Variants in ARHGAP31 observed in about 807,000 individuals in gnomAD.
ARHGAP31 encodes Rho GTPase activating protein 31.
In ARHGAP31, 34 loss-of-function variants were observed where a neutral mutation model predicts 113.9. The observed-to-expected ratio is 0.30, with a 90% CI of 0.23 to 0.40. ARHGAP31 has a LOEUF of 0.40. Among genes scored for constraint, ARHGAP31 ranks in the 10% least tolerant of loss-of-function variants. ARHGAP31 has a pLI of 1.00. For synonymous variants in ARHGAP31, 650 were observed against 684.8 expected (o/e 0.95, Z 0.79); for missense variants, 1,548 against 1,767.1 (o/e 0.88, Z 2.22).
At chr3:119,320,181 T>C (rs761832122) in intron 1 of ARHGAP31, among the ~76,000 whole-genome samples, 3 of 152,208 alleles carry the variant, frequency 2.0e-5, no homozygotes, top group Non-Finnish European at 4.4e-5. Context: ...CATTCTCCCT[T>C]CTACCAGATC....
intron 3 of ARHGAP31, among the ~76,000 whole-genome samples, chr3:119,376,492 C>G (rs143892225): frequency 9.2e-5 from 14 of 152,304 alleles, no homozygotes; most frequent in Middle Eastern, 3.4e-3. Context: ...CCACACTGGC[C>G]TCCACATGTC....
chr3:119,340,270 C>T (rs1402734854), intron 1 of ARHGAP31, among the ~76,000 whole-genome samples: 1 of 152,210 alleles, frequency 6.6e-6, no homozygotes, highest in Non-Finnish European at 1.5e-5. Context: ...TTATGGCACA[C>T]ATGAAGGGTC....
chr3:119,305,121 C>T (rs1356017488), intron 1 of ARHGAP31, among the ~76,000 whole-genome samples: 2 of 152,010 alleles, frequency 1.3e-5, no homozygotes, highest in Admixed American at 6.5e-5. Context: ...AGCCAGGAAG[C>T]GGCAGAAGCA....
chr3:119,338,303 A>C (rs1438119716), intron 1 of ARHGAP31, among the ~76,000 whole-genome samples: 2 of 152,188 alleles, frequency 1.3e-5, no homozygotes, highest in East Asian at 1.9e-4. Context: ...ACATGGACTC[A>C]ACTAAGTGTT....
rs12495539 is a variant in ARHGAP31 at position 119,419,065 on chromosome 3, C to T, written c.*2801C>T. The T allele has an allele frequency of 0.15, 22,046 of 151,846 alleles. 2,002 individuals are homozygous for T. The highest frequency in any genetic ancestry group is 0.2 in the Admixed American group (3,007 of 15,246). 9.4% of individuals were successfully genotyped at this position (151,846 alleles called of 1,614,324 possible). ...CTATTTCACCACTCATTTGAGTCTC[C>T]GAAAAATGAACTCCCTGAGAATGGC... On this transcript the variant is annotated 3_prime_UTR_variant, in exon 12 of 12. Coordinates refer to ENST00000264245, the MANE Select transcript of ARHGAP31 (RefSeq NM_020754.4).
chr3:119,337,356 T>G (rs2079964347), intron 1 of ARHGAP31, among the ~76,000 whole-genome samples: 2 of 152,172 alleles, frequency 1.3e-5, no homozygotes, highest in East Asian at 3.9e-4. Context: ...TTCCTCCCGG[T>G]GGCTTCATGC....
chr3:119,301,452 A>G (rs182121200), intron 1 of ARHGAP31, among the ~76,000 whole-genome samples: 20 of 151,920 alleles, frequency 1.3e-4, no homozygotes, highest in Middle Eastern at 3.4e-3. Flanking sequence ...CGGTGGACAC[A>G]CTCTCCAGTG....
In ARHGAP31 at chr3:119,414,616, A is replaced by T. The variant is rs2080755010; in HGVS notation, c.2687A>T (p.Asp896Val). 2 of 1,614,136 alleles carry T rather than the reference A, an allele frequency of 1.2e-6. No homozygotes were observed. The highest frequency in any genetic ancestry group is 1.3e-5 in the African/African-American group (1 of 74,950). The change falls in exon 12 of 12, where the codon GAC (aspartate) becomes GTC (valine). Residue 896 changes from aspartate to valine, a missense_variant. Physicochemically the swap from Asp to Val is radical, Grantham distance 152. Transcript: ENST00000264245. ...SDCDEDDTVTDIAQHGLEMVE... is the reference protein window; with the variant it reads ...SDCDEDDTVTVIAQHGLEMVE... Reference sequence around the variant, plus strand: ...TGTGACGAAGATGACACTGTGACAGACATTGCCCAGCATGGCCTGGAGATG... The same window carrying T: ...TGTGACGAAGATGACACTGTGACAGTCATTGCCCAGCATGGCCTGGAGATG...
chr3:119,381,782 C>G (rs772913709), intron 4 of ARHGAP31, among the ~76,000 whole-genome samples: 2 of 152,038 alleles, frequency 1.3e-5, no homozygotes, highest in Non-Finnish European at 1.5e-5. Flanking sequence ...GTCAGGAGAT[C>G]GAGACCATCA....
At chr3:119,368,300 AGCAGCCAAGCAGCTGCTGACATGGAAC>A (rs2080266833) in intron 2 of ARHGAP31, 45 bp from the exon 3 acceptor site, 1 of 1,598,116 alleles carries the variant, frequency 6.3e-7, no homozygotes, top group Non-Finnish European at 8.6e-7. Flanking sequence ...TTTACCCCTA[AGCAGCCAAGCAGCTGCTGACATGGAAC>A]ACACACTCCC....
In ARHGAP31 at chr3:119,416,185, A is replaced by C. The variant is rs1353680134; in HGVS notation, c.4256A>C (p.Glu1419Ala). ...ATCCCTAAGAATGGCCAGAGACTAG[A>C]GACCTCAACCAGCTGTTTTTACCAG... ...MTIPKNGQRL[E>A]TSTSCFYQPQ... The change falls in exon 12 of 12, where the codon GAG becomes GCG. Residue 1419 changes from glutamate (E) to alanine (A), a missense_variant. Coordinates refer to ENST00000264245, the MANE Select transcript of ARHGAP31 (RefSeq NM_020754.4). The C allele has an allele frequency of 6.2e-7, 1 of 1,614,122 alleles. No individual in the cohort carries two copies. Among genetic ancestry groups the C allele is most frequent in the Non-Finnish European group, 8.5e-7 (1 of 1,180,052 alleles).
chr3:119,394,227 G>A (rs955227005), intron 8 of ARHGAP31, among the ~76,000 whole-genome samples: 14 of 152,170 alleles, frequency 9.2e-5, no homozygotes, highest in Admixed American at 5.9e-4. Flanking sequence ...TGATCCCTTG[G>A]TTAAAGTGCT....
intron 11 of ARHGAP31, among the ~76,000 whole-genome samples, chr3:119,411,585 C>G (rs1403608017): frequency 1.3e-5 from 2 of 152,094 alleles, no homozygotes; most frequent in African/African-American, 4.8e-5. Context: ...TATGGTTTCT[C>G]AGTATTGATT....
chr3:119,397,358 GGC>G (rs2080562097), intron 8 of ARHGAP31, among the ~76,000 whole-genome samples: 2 of 152,196 alleles, frequency 1.3e-5, no homozygotes, highest in African/African-American at 2.4e-5. Context: ...CACAGTCAGG[GGC>G]GCCTGGTCAC....
intron 1 of ARHGAP31, among the ~76,000 whole-genome samples, chr3:119,348,281 A>T (rs2080079483): frequency 6.6e-6 from 1 of 152,250 alleles, no homozygotes. Flanking sequence ...TAATAATAGA[A>T]ATAAAGTACA....
chr3:119,294,396 C>T lies in ARHGAP31; in HGVS notation c.-509C>T. ...CAGGAAAAAAAGGAAGGCGTGAGGG[C>T]GGGCAGCAGCGACAGGATGCTTGTT... On this transcript the variant is annotated 5_prime_UTR_variant, in exon 1 of 12. Coordinates refer to ENST00000264245, the MANE Select transcript of ARHGAP31 (RefSeq NM_020754.4). The T allele has an allele frequency of 2.5e-6, 1 of 403,434 alleles. No homozygotes were observed. Among genetic ancestry groups the T allele is most frequent in the Non-Finnish European group, 4.3e-6 (1 of 229,918 alleles). 25.0% of individuals were successfully genotyped at this position (403,434 alleles called of 1,614,324 possible).
Position 119,390,890 on chromosome 3 carries a change from C to T in ARHGAP31, c.788C>T (p.Pro263Leu), listed in dbSNP as rs2080497931. The T allele has an allele frequency of 6.2e-7, 1 of 1,614,072 alleles. No homozygotes were observed. The highest frequency in any genetic ancestry group is 1.7e-5 in the Admixed American group (1 of 60,012). ...GCCCGCAGCCTGGCCACTAACCATCCTGCTCGCAAGGAAAGGAGGGAGAAC... is the reference window on the plus strand; with the variant it reads ...GCCCGCAGCCTGGCCACTAACCATCTTGCTCGCAAGGAAAGGAGGGAGAAC... ...AQARSLATNH[P>L]ARKERRENSL... The change falls in exon 7 of 12, where the codon CCT becomes CTT. Residue 263 changes from proline to leucine, a missense_variant. Pro to Leu is a moderately conservative substitution (Grantham distance 98). Coordinates refer to ENST00000264245, the MANE Select transcript of ARHGAP31 (RefSeq NM_020754.4).
At chr3:119,378,688 G>A (rs1220219351) in intron 3 of ARHGAP31, among the ~76,000 whole-genome samples, 1 of 152,052 alleles carries the variant, frequency 6.6e-6, no homozygotes, top group Non-Finnish European at 1.5e-5. Flanking sequence ...CCTCCCCCGG[G>A]GCTTCTCTCC....
At chr3:119,357,134 A>G (rs2080165392) in intron 1 of ARHGAP31, among the ~76,000 whole-genome samples, 1 of 152,216 alleles carries the variant, frequency 6.6e-6, no homozygotes, top group African/African-American at 2.4e-5. Context: ...TTGCAGTGGA[A>G]TTGAATTTAG....
Sources: allele counts gnomAD v4.1 joint callset (sites outside exome capture counted in the v4.1 genomes callset), GRCh38; gene constraint gnomAD v4.1.1; transcripts MANE v1.5; gene names NCBI Gene and HGNC (gene_info 2026-07-23, HGNC 2026-07-21).